Variants in OR6P1 observed in about 807,000 individuals in gnomAD.
OR6P1 encodes the protein olfactory receptor 6P1.
OR6P1 carries 5 observed loss-of-function variants against 6.6 expected under a neutral mutation model. That is an observed-to-expected ratio of 0.76 (90% CI 0.40 to 1.60). The LOEUF (loss-of-function observed/expected upper bound fraction) is 1.60. Among genes scored for constraint, OR6P1 ranks in the 40% most tolerant of loss-of-function variants. The pLI is 0.02. For synonymous variants in OR6P1, 177 were observed against 149.6 expected, an observed-to-expected ratio of 1.18 and a Z score of -1.33; for missense variants, 451 against 383.0, an observed-to-expected ratio of 1.18 and a Z score of -1.48.
Position 158,563,205 on chromosome 1 carries a change from T to C in OR6P1, c.400A>G (p.Ser134Gly), listed in dbSNP as rs2101716166. 2 of 1,551,292 alleles carry C rather than the reference T, an allele frequency of 1.3e-6. No homozygotes were observed. The highest frequency in any genetic ancestry group is 2.4e-5 in the South Asian group (2 of 84,012). Reference protein sequence around the residue: ...LAICGPLLYPSLMPSSLATRL... With the variant: ...LAICGPLLYPGLMPSSLATRL... Reference sequence around the variant, plus strand: ...GTGGCCAGACTGGAAGGCATGAGACTAGGGTAAAGGAGGGGTCCACAGATG... The same window carrying C: ...GTGGCCAGACTGGAAGGCATGAGACCAGGGTAAAGGAGGGGTCCACAGATG... Residue 134 changes from serine to glycine, a missense_variant, in exon 3 of 3, where the codon AGT (serine) becomes GGT (glycine). Physicochemically the swap from Ser to Gly is moderately conservative, Grantham distance 56. Coordinates refer to ENST00000641540, the MANE Select transcript of OR6P1 (RefSeq NM_001160325.2).
In OR6P1 at chr1:158,563,120, A is replaced by G; in HGVS notation, c.485T>C (p.Phe162Ser). The G allele has an allele frequency of 6.4e-7, 1 of 1,551,690 alleles. No homozygotes were observed. The highest frequency in any genetic ancestry group is 8.7e-7 in the Non-Finnish European group (1 of 1,146,990). ...GFFSSMMKLL[F>S]ISQLSYCGPN... ...TCCACAGTAGGACAATTGGGAAATAAAAAGAAGCTTCATCATGGAGCTGAA... is the reference window on the plus strand; with the variant it reads ...TCCACAGTAGGACAATTGGGAAATAGAAAGAAGCTTCATCATGGAGCTGAA... The change falls in exon 3 of 3, where the codon TTT becomes TCT. Residue 162 changes from phenylalanine (F) to serine (S), a missense_variant. Transcript: ENST00000641540.
In OR6P1 at chr1:158,562,774, G is replaced by C. The variant is rs773218124; in HGVS notation, c.831C>G (p.Leu277=). ...TFNHNKIISV[L]YTIIVPFFNP... is the part of the protein sequence containing the mutation. The stretch of plus-strand genomic sequence containing the variant: ...TGAAGAATGGTACAATGATAGTGTA[G>C]AGCACAGAGATAATCTTGTTGTGGT... The change falls in exon 3 of 3, where the codon CTC becomes CTG. Residue 277 remains leucine, a synonymous_variant. Coordinates refer to ENST00000641540, the MANE Select transcript of OR6P1 (RefSeq NM_001160325.2). 1 of 1,553,422 alleles carries C rather than the reference G, an allele frequency of 6.4e-7. No homozygotes were observed. The highest frequency in any genetic ancestry group is 1.2e-5 in the South Asian group (1 of 84,100).
intron 2 of OR6P1, among the ~76,000 whole-genome samples, chr1:158,564,551 C>T (rs1256514731): frequency 6.6e-6 from 1 of 152,096 alleles, no homozygotes; most frequent in Non-Finnish European, 1.5e-5. Context: ...GCCTTGGAGA[C>T]TGCAATGATT....
intron 1 of OR6P1, among the ~76,000 whole-genome samples, chr1:158,567,482 A>C (rs1325384265): frequency 6.8e-6 from 1 of 146,850 alleles, no homozygotes; most frequent in Non-Finnish European, 1.5e-5. Flanking sequence ...TGATGAGTTC[A>C]TGTCCTTTGT....
intron 1 of OR6P1, among the ~76,000 whole-genome samples, chr1:158,567,185 C>T (rs928201113): frequency 1.3e-5 from 2 of 151,730 alleles, no homozygotes; most frequent in African/African-American, 4.9e-5. Flanking sequence ...AACACTTTTA[C>T]ACTGTTGGTG....
At chr1:158,568,642 T>C (rs1428819113) in intron 1 of OR6P1, among the ~76,000 whole-genome samples, 1 of 152,206 alleles carries the variant, frequency 6.6e-6, no homozygotes, top group African/African-American at 2.4e-5. Context: ...ATGCTCCCCT[T>C]CAACATTACC....
chr1:158,562,993 CAGGGCCAGA>C lies in OR6P1; in HGVS notation c.603_611del (p.Leu202_Leu204del), dbSNP rs1571337393. The C allele has an allele frequency of 1.6e-5, 25 of 1,551,620 alleles. No individual in the cohort carries two copies. In the East Asian group the frequency reaches 6.1e-4, roughly 38 times the overall value. ...CCAATAGAGGGAGTAGAATCATCAC[CAGGGCCAGA>C]AGGAAGTCTACTAGCTCTGCTTGCT... On this transcript the variant is annotated inframe_deletion, in exon 3 of 3. Coordinates refer to ENST00000641540, the MANE Select transcript of OR6P1 (RefSeq NM_001160325.2).
chr1:158,565,917 CA>C (rs1199307253), intron 2 of OR6P1, among the ~76,000 whole-genome samples: 1 of 152,098 alleles, frequency 6.6e-6, no homozygotes, highest in African/African-American at 2.4e-5. Flanking sequence ...AGTAACATAT[CA>C]TCAAAATTAT....
chr1:158,567,793 T>TAATAAAAAAATAAATA lies in OR6P1; in HGVS notation c.-117-936_-117-935insTATTTATTTTTTTATT, dbSNP rs1648135648. On this transcript the variant is annotated intron_variant, in intron 1 of 2. Coordinates refer to ENST00000641540, the MANE Select transcript of OR6P1 (RefSeq NM_001160325.2). ...ATGTACCCTAAAACTTAAAGTATAATAATAAATAAATAAATAAATAAATAA... is the reference window on the plus strand; with the variant it reads ...ATGTACCCTAAAACTTAAAGTATAATAATAAAAAAATAAATAAATAAATAAATAAATAAATAAATAA... Among the ~76,000 whole-genome samples the TAATAAAAAAATAAATA allele has an allele frequency of 3.4e-5, 5 of 147,310 alleles. No homozygotes were observed. In the South Asian group the frequency reaches 8.7e-4, roughly 26 times the overall value.
Position 158,563,559 on chromosome 1 carries a change from CCA to C in OR6P1, c.44_45del (p.Val15GlyfsTer76). 6.5e-7 allele frequency: 1 copy of C among 1,549,944 alleles called. No individual in the cohort carries two copies. The highest frequency in any genetic ancestry group is 8.7e-7 in the Non-Finnish European group (1 of 1,146,456). The stretch of plus-strand genomic sequence containing the variant: ...TGGAGGGGAGGCGTGGTAGGGAAAC[CCA>C]CCAAGACAAACTCCTCGACATGGCC... ...SGGHVEEFVL[V>X]GFPTTPPLQL... On this transcript the variant is annotated frameshift_variant, in exon 3 of 3. Transcript: ENST00000641540. LOFTEE classifies it low-confidence loss of function (END_TRUNC).
chr1:158,565,035 T>A (rs1648062988), intron 2 of OR6P1, among the ~76,000 whole-genome samples: 1 of 152,218 alleles, frequency 6.6e-6, no homozygotes, highest in African/African-American at 2.4e-5. Flanking sequence ...TATACTAATT[T>A]GCATAGTTTT....
At position 158,562,653 on chromosome 1, in the gene OR6P1, A is replaced by C. The variant is rs769823573; in HGVS notation, c.952T>G (p.Ter318GlyextTer29). ...RCHYPRDVQD[*>G] ...CCTCTCCCAAGACCTGTTGTATATC[A>C]GTCCTGAACATCCCTAGGATAGTGA... The change falls in exon 3 of 3, where the codon TGA (stop) becomes GGA (glycine). Residue 318 changes from the stop codon to glycine, a stop_lost. Coordinates refer to ENST00000641540, the MANE Select transcript of OR6P1 (RefSeq NM_001160325.2). The C allele has an allele frequency of 6.5e-7, 1 of 1,536,490 alleles. No individual in the cohort carries two copies. The highest frequency in any genetic ancestry group is 2.4e-5 in the East Asian group (1 of 40,860).
rs781121135 is a variant in OR6P1 at position 158,563,292 on chromosome 1, T to G, written c.313A>C (p.Ile105Leu). The G allele has an allele frequency of 2.8e-5, 43 of 1,551,008 alleles. No homozygotes were observed. Among genetic ancestry groups the G allele is most frequent in the African/African-American group, 4.1e-5 (3 of 72,846 alleles). The change falls in exon 3 of 3, where the codon ATT becomes CTT. Residue 105 changes from isoleucine to leucine, a missense_variant. Ile to Leu is a conservative substitution (Grantham distance 5). Coordinates refer to ENST00000641540, the MANE Select transcript of OR6P1 (RefSeq NM_001160325.2). ...VGCMTQLYFF[I>L]ALACTECVLL... ...ACACATTCAGTACAGGCTAAGGCAATAAAGAAGTACAGTTGGGTCATGCAA... is the reference window on the plus strand; with the variant it reads ...ACACATTCAGTACAGGCTAAGGCAAGAAAGAAGTACAGTTGGGTCATGCAA...
chr1:158,565,870 T>G (rs944342665), intron 2 of OR6P1, among the ~76,000 whole-genome samples: 7 of 152,216 alleles, frequency 4.6e-5, no homozygotes, highest in African/African-American at 1.7e-4. Context: ...CACTAGATTA[T>G]TTAAACTTTT....
At chr1:158,566,587 A>C (rs536309111) in intron 2 of OR6P1, among the ~76,000 whole-genome samples, 177 bp downstream of exon 2, 8 of 152,316 alleles carry the variant, frequency 5.3e-5, no homozygotes, top group African/African-American at 1.9e-4. Flanking sequence ...GTAGCAAATC[A>C]TAGTAGGCAC....
Position 158,563,264 on chromosome 1 carries a change from A to G in OR6P1, c.341T>C (p.Leu114Pro). The change falls in exon 3 of 3, where the codon CTG becomes CCG. Residue 114 changes from leucine to proline, a missense_variant. Transcript: ENST00000641540. ...FIALACTECV[L>P]LAVMAYDRYL... is the part of the protein sequence containing the mutation. ...GCGATCATAGGCCATAACTGCCAAC[A>G]GCACACATTCAGTACAGGCTAAGGC... 1.3e-6 allele frequency: 2 copies of G among 1,551,736 alleles called. No homozygotes were observed. Among genetic ancestry groups the G allele is most frequent in the Non-Finnish European group, 1.7e-6 (2 of 1,147,018 alleles).
chr1:158,563,741 C>G, intron 2 of OR6P1, 115 bp from the exon 3 acceptor site: 1 of 596,832 alleles, frequency 1.7e-6, no homozygotes, highest in South Asian at 2.4e-5. Context: ...ATTATTATAA[C>G]ATTTTTCCTC....
intron 2 of OR6P1, among the ~76,000 whole-genome samples, chr1:158,565,019 A>C (rs897269319): frequency 5.9e-5 from 9 of 152,238 alleles, no homozygotes; most frequent in Admixed American, 5.9e-4. Context: ...GAAACTTAAA[A>C]AATGATATAC....
chr1:158,568,104 C>A (rs1460649299), intron 1 of OR6P1, among the ~76,000 whole-genome samples: 1 of 152,144 alleles, frequency 6.6e-6, no homozygotes, highest in African/African-American at 2.4e-5. Context: ...CTTCTCCAAC[C>A]AAGGCAACTT....
Sources: allele counts gnomAD v4.1 joint callset (sites outside exome capture counted in the v4.1 genomes callset), GRCh38; gene constraint gnomAD v4.1.1; transcripts MANE v1.5; gene names NCBI Gene and HGNC (gene_info 2026-07-23, HGNC 2026-07-21).